The following AGBL1 variants were observed in gnomAD, a reference collection of about 807,000 sequenced individuals.
AGBL1 encodes AGBL carboxypeptidase 1.
In AGBL1, 130 loss-of-function variants were observed where a neutral mutation model predicts 118.9. The observed-to-expected ratio is 1.09, with a 90% CI of 0.95 to 1.26. The LOEUF is 1.26. Ranked by LOEUF, AGBL1 falls within the 50% of genes most tolerant of loss-of-function variation. AGBL1 has a pLI of 0.00. For missense variants in AGBL1, 1,584 were observed against 1,298.1 expected, an observed-to-expected ratio of 1.22 and a Z score of -3.38; for synonymous variants, 555 against 478.9, an observed-to-expected ratio of 1.16 and a Z score of -2.08.
chr15:86,689,050 T>A (rs1377952318), intron 22 of AGBL1, among the ~76,000 whole-genome samples: 1 of 152,196 alleles, frequency 6.6e-6, no homozygotes, highest in East Asian at 1.9e-4. Context: ...CATTTTACTT[T>A]TATATGGTAA....
chr15:86,135,788 C>T (rs2076881355), intron 1 of AGBL1, among the ~76,000 whole-genome samples: 1 of 152,026 alleles, frequency 6.6e-6, no homozygotes, highest in Non-Finnish European at 1.5e-5. Flanking sequence ...AGTCTAACTC[C>T]CCTCCCCTTA....
At chr15:86,082,789 C>CTAA (rs1245706670) in intron 1 of AGBL1, among the ~76,000 whole-genome samples, 1 of 152,190 alleles carries the variant, frequency 6.6e-6, no homozygotes, top group Admixed American at 6.5e-5. Flanking sequence ...ACTTCCTGGC[C>CTAA]TTTACAGCGT....
rs147641307 is a variant in AGBL1 at position 86,205,760 on chromosome 15, T to C, written c.489-19154T>C. 1.7e-3 allele frequency among the ~76,000 whole-genome samples: 265 copies of C among 152,288 alleles called. 1 individual carries two copies. Among genetic ancestry groups the C allele is most frequent in the African/African-American group, 6.1e-3 (254 of 41,566 alleles). ...ACATCTGTATGTCTTCTTGATAAGG[T>C]GTCTGTTAGGGTTTTTAGCTTATTT... On this transcript the variant is annotated intron_variant, in intron 5 of 22. Coordinates refer to ENST00000614907, the MANE Select transcript of AGBL1 (RefSeq NM_001386094.1).
At chr15:86,930,182 A>G (rs967839446) in intron 23 of AGBL1, among the ~76,000 whole-genome samples, 1 of 152,132 alleles carries the variant, frequency 6.6e-6, no homozygotes, top group African/African-American at 2.4e-5. Flanking sequence ...CTGGAATGGG[A>G]GTTAGGAGAC....
chr15:86,755,359 G>A (rs748392026), intron 22 of AGBL1, among the ~76,000 whole-genome samples: 39 of 152,068 alleles, frequency 2.6e-4, no homozygotes, highest in Non-Finnish European at 2.9e-4. Flanking sequence ...GCTGAGTAGC[G>A]GACAGACCAG....
At chr15:86,504,409 A>G (rs1386529704) in intron 18 of AGBL1, among the ~76,000 whole-genome samples, 1 of 151,590 alleles carries the variant, frequency 6.6e-6, no homozygotes, top group Non-Finnish European at 1.5e-5. Context: ...TACATTTAAT[A>G]TAATTACTGA....
chr15:86,526,564 A>G (rs1187756037), intron 19 of AGBL1, among the ~76,000 whole-genome samples: 1 of 133,028 alleles, frequency 7.5e-6, no homozygotes, highest in African/African-American at 3.1e-5. Flanking sequence ...ATATATATAT[A>G]TATATATATA....
intron 21 of AGBL1, among the ~76,000 whole-genome samples, chr15:86,653,822 C>T (rs1305236955): frequency 1.3e-5 from 2 of 152,102 alleles, no homozygotes; most frequent in African/African-American, 4.8e-5. Flanking sequence ...CTGGAACTAG[C>T]CAATGTCTCA....
chr15:86,659,094 C>A (rs1294052932), intron 21 of AGBL1, among the ~76,000 whole-genome samples: 2 of 152,020 alleles, frequency 1.3e-5, no homozygotes, highest in East Asian at 3.9e-4. Flanking sequence ...CTATTTGTCC[C>A]CCCTCCACAT....
intron 22 of AGBL1, among the ~76,000 whole-genome samples, chr15:86,758,293 T>G (rs1434770438): frequency 2.0e-5 from 3 of 152,122 alleles, no homozygotes. Context: ...AGTTTCTGCC[T>G]GAAAACTTCT....
chr15:86,083,137 C>G (rs1350493326), intron 1 of AGBL1, among the ~76,000 whole-genome samples: 1 of 152,148 alleles, frequency 6.6e-6, no homozygotes, highest in African/African-American at 2.4e-5. Context: ...GGAACACTTG[C>G]CTACACTTTT....
Position 86,095,646 on chromosome 15 carries a change from C to CTTTTTTTTTTTTTTTT in AGBL1, c.51+15623_51+15624insTTTTTTTTTTTTTTTT, listed in dbSNP as rs1896319963. ...TCATAATGTCACATGACCTTGGATA[C>CTTTTTTTTTTTTTTTT]CTTTTTTTTTTTTTTTTTTTTTTTT... On this transcript the variant is annotated intron_variant, in intron 1 of 22. Transcript: ENST00000614907. Among the ~76,000 whole-genome samples the CTTTTTTTTTTTTTTTT allele has an allele frequency of 1.5e-4, 18 of 116,684 alleles. 8 individuals carry two copies. Among genetic ancestry groups the CTTTTTTTTTTTTTTTT allele is most frequent in the Non-Finnish European group, 8.7e-5 (5 of 57,540 alleles). The allele number at this position is 116,684 out of a possible 152,430, so 76.5% of individuals were successfully genotyped here.
intron 21 of AGBL1, among the ~76,000 whole-genome samples, chr15:86,648,785 G>A (rs2085326474): frequency 1.3e-5 from 2 of 152,166 alleles, no homozygotes; most frequent in African/African-American, 4.8e-5. Context: ...AGAGAATATT[G>A]TAATGAAGAA....
At chr15:86,554,916 A>AG (rs2083711985) in intron 21 of AGBL1, among the ~76,000 whole-genome samples, 1 of 152,170 alleles carries the variant, frequency 6.6e-6, no homozygotes, top group South Asian at 2.1e-4. Context: ...TAAAGGGCAT[A>AG]GGTCAGTGTG....
At chr15:86,707,585 T>C (rs2086475466) in intron 22 of AGBL1, among the ~76,000 whole-genome samples, 1 of 152,062 alleles carries the variant, frequency 6.6e-6, no homozygotes, top group Non-Finnish European at 1.5e-5. Context: ...TTTCCCATAA[T>C]TTGGAAAAAA....
At chr15:86,628,191 T>C (rs1466570068) in intron 21 of AGBL1, among the ~76,000 whole-genome samples, 1 of 152,178 alleles carries the variant, frequency 6.6e-6, no homozygotes, top group Non-Finnish European at 1.5e-5. Flanking sequence ...GAGTTTTCGA[T>C]TTGTAATAAT....
chr15:86,896,178 T>C (rs979108113), intron 22 of AGBL1, among the ~76,000 whole-genome samples: 1 of 152,128 alleles, frequency 6.6e-6, no homozygotes, highest in Non-Finnish European at 1.5e-5. Context: ...CTTATTCTAA[T>C]TTATTAATTA....
At chr15:86,374,985 T>C (rs2081021447) in intron 17 of AGBL1, among the ~76,000 whole-genome samples, 1 of 152,166 alleles carries the variant, frequency 6.6e-6, no homozygotes, top group African/African-American at 2.4e-5. Context: ...AAATGTGTCT[T>C]AATTTGTTGT....
At chr15:86,927,988 ATGTT>A (rs1274908658) in intron 23 of AGBL1, among the ~76,000 whole-genome samples, 15 of 152,194 alleles carry the variant, frequency 9.9e-5, no homozygotes, top group African/African-American at 3.4e-4. Flanking sequence ...GTGTGTATAT[ATGTT>A]TGAGTCTTGC....
Sources: gnomAD v4.1 joint callset for allele counts (sites outside exome capture counted in the v4.1 genomes callset) on GRCh38, gnomAD v4.1.1 for gene constraint, MANE v1.5 for transcripts, NCBI Gene and HGNC (gene_info 2026-07-23, HGNC 2026-07-21) for gene names.